The following RASGRF2 variants were observed in gnomAD, a reference collection of about 807,000 sequenced individuals.
The protein encoded by RASGRF2 is Ras protein specific guanine nucleotide releasing factor 2.
A neutral mutation model predicts 151.0 loss-of-function variants in RASGRF2; 76 were observed. That is an observed-to-expected ratio of 0.50 (90% CI 0.42 to 0.61). The LOEUF (loss-of-function observed/expected upper bound fraction) is 0.61, where lower values mean the gene tolerates loss of function less well. Ranked by LOEUF, RASGRF2 falls within the 20% of genes least tolerant of loss-of-function variation. The probability of loss-of-function intolerance (pLI) is 0.00; values close to 1 mark genes in which losing one functional copy is unlikely to be tolerated. For synonymous variants in RASGRF2, 504 were observed against 566.5 expected, an observed-to-expected ratio of 0.89 and a Z score of 1.57; for missense variants, 1,148 against 1,564.6, an observed-to-expected ratio of 0.73 and a Z score of 4.49.
chr5:81,114,582 C>T (rs1351115976), intron 15 of RASGRF2, among the ~76,000 whole-genome samples: 2 of 152,212 alleles, frequency 1.3e-5, no homozygotes, highest in Non-Finnish European at 1.5e-5. Flanking sequence ...GAATAAAGTA[C>T]ATTCTCCCTG....
chr5:81,091,973 T>C (rs537101837), intron 9 of RASGRF2, among the ~76,000 whole-genome samples: 1 of 152,330 alleles, frequency 6.6e-6, no homozygotes, highest in South Asian at 2.1e-4. Flanking sequence ...ATCAAGAGGT[T>C]GGCAAGAATC....
At chr5:81,087,771 A>G (rs1752282243) in intron 9 of RASGRF2, 1 of 188,170 alleles carries the variant, frequency 5.3e-6, no homozygotes, top group South Asian at 1.5e-4. Context: ...TTTGGTGAGG[A>G]GTGGAATATA....
Position 81,131,221 on chromosome 5 carries a change from G to A in RASGRF2, c.2686+4058G>A, listed in dbSNP as rs139890810. The stretch of plus-strand genomic sequence containing the variant: ...AAGGAGGTCAAGACAAGATGTTCCT[G>A]CCTGACCCCGGGGGCAAGGAAAACT... On this transcript the variant is annotated intron_variant, in intron 17 of 26. Transcript: ENST00000265080. 2.6e-3 allele frequency among the ~76,000 whole-genome samples: 394 copies of A among 152,266 alleles called. 3 individuals are homozygous for A. Among genetic ancestry groups the A allele is most frequent in the African/African-American group, 9.2e-3 (383 of 41,552 alleles).
At chr5:81,222,375 G>C (rs1226948887) in intron 26 of RASGRF2, among the ~76,000 whole-genome samples, 1 of 152,082 alleles carries the variant, frequency 6.6e-6, no homozygotes, top group Non-Finnish European at 1.5e-5. Context: ...CCTAGGTTTT[G>C]CCCTATTTCT....
chr5:81,111,989 C>T (rs1000798411), intron 13 of RASGRF2, among the ~76,000 whole-genome samples: 3 of 152,178 alleles, frequency 2.0e-5, no homozygotes, highest in African/African-American at 7.2e-5. Flanking sequence ...TGCTTTCCCC[C>T]ACTCCTAAAG....
intron 15 of RASGRF2, among the ~76,000 whole-genome samples, chr5:81,121,601 A>G (rs536495724): frequency 1.1e-4 from 16 of 152,326 alleles, no homozygotes; most frequent in African/African-American, 3.6e-4. Context: ...AAATAATTCA[A>G]TTTAATTTCC....
At chr5:81,194,734 G>A (rs759540450) in intron 18 of RASGRF2, among the ~76,000 whole-genome samples, 2 of 152,226 alleles carry the variant, frequency 1.3e-5, no homozygotes, top group African/African-American at 4.8e-5. Flanking sequence ...TCAGTAGGGC[G>A]TCCCCAAGGG....
At chr5:81,094,544 T>C (rs1425536122) in intron 11 of RASGRF2, among the ~76,000 whole-genome samples, 182 bp downstream of exon 11, 1 of 152,198 alleles carries the variant, frequency 6.6e-6, no homozygotes, top group Admixed American at 6.5e-5. Flanking sequence ...GACTATTCAG[T>C]GGCAGATAGA....
intron 5 of RASGRF2, among the ~76,000 whole-genome samples, chr5:81,077,091 G>A (rs867389725): frequency 6.6e-6 from 1 of 152,178 alleles, no homozygotes; most frequent in South Asian, 2.1e-4. Flanking sequence ...GCTGGTATGA[G>A]AGGTTTTTGC....
intron 17 of RASGRF2, among the ~76,000 whole-genome samples, chr5:81,143,756 G>T (rs1044480849): frequency 6.6e-6 from 1 of 151,950 alleles, no homozygotes; most frequent in Non-Finnish European, 1.5e-5. Flanking sequence ...CGGACGTGGT[G>T]GTGCACACCT....
At chr5:81,055,090 C>T (rs1192291483) in intron 2 of RASGRF2, among the ~76,000 whole-genome samples, 1 of 152,136 alleles carries the variant, frequency 6.6e-6, no homozygotes, top group African/African-American at 2.4e-5. Flanking sequence ...AATTTGACTT[C>T]CTCTTTTCCT....
intron 9 of RASGRF2, among the ~76,000 whole-genome samples, chr5:81,092,166 AG>A (rs1487460510): frequency 6.6e-6 from 1 of 152,218 alleles, no homozygotes; most frequent in Non-Finnish European, 1.5e-5. Context: ...TACTGGGTAT[AG>A]ATTTTATGTG....
chr5:81,167,659 G>A (rs756386114), intron 17 of RASGRF2, among the ~76,000 whole-genome samples: 20 of 152,160 alleles, frequency 1.3e-4, no homozygotes, highest in Non-Finnish European at 2.2e-4. Flanking sequence ...CAGGGATGCC[G>A]TCACTCTGAC....
At chr5:81,071,144 T>C (rs1751762210) in intron 4 of RASGRF2, among the ~76,000 whole-genome samples, 1 of 152,222 alleles carries the variant, frequency 6.6e-6, no homozygotes, top group Admixed American at 6.5e-5. Context: ...TTTTGATTTG[T>C]CATTTAGGTT....
At chr5:80,989,589 A>G (rs574122714) in intron 1 of RASGRF2, among the ~76,000 whole-genome samples, 4 of 152,324 alleles carry the variant, frequency 2.6e-5, no homozygotes, top group African/African-American at 9.6e-5. Flanking sequence ...CTTTGGCGCT[A>G]CTACTGTAGA....
At position 80,960,909 on chromosome 5, in the gene RASGRF2, G is replaced by T. The variant is rs560703743; in HGVS notation, c.171G>T (p.Glu57Asp). Residue 57 changes from glutamate to aspartate, a missense_variant, in exon 1 of 27, where the codon GAG becomes GAT. Around this residue, in one of 5 missense-constraint regions of RASGRF2, gnomAD observed 221 missense variants for 271.3 expected, o/e 0.81. Coordinates refer to ENST00000265080, the MANE Select transcript of RASGRF2 (RefSeq NM_006909.3). The surrounding 1 kb of genome is among the most constrained non-coding windows in gnomAD (Gnocchi z 5.5). ...YQNVLFYFEG[E>D]QSCRPAGMYL... ...ATGTGCTCTTCTACTTCGAGGGCGA[G>T]CAGAGCTGCCGCCCGGCGGGCATGT... is the stretch of plus-strand genomic sequence containing the variant. 54 of 1,606,204 alleles carry T rather than the reference G, an allele frequency of 3.4e-5. No homozygotes were observed. In the South Asian group the frequency reaches 5.0e-4, roughly 15 times the overall value.
In RASGRF2 at chr5:81,230,118, G is replaced by C. The variant is rs1039623001; in HGVS notation, c.*4348G>C. On this transcript the variant is annotated 3_prime_UTR_variant, in exon 27 of 27. Coordinates refer to ENST00000265080, the MANE Select transcript of RASGRF2 (RefSeq NM_006909.3). Reference sequence around the variant, plus strand: ...CTAACACTTGCCAAGTGAGGTGTAGGTTATGCCTATATGCAAATTAAACTT... The same window carrying C: ...CTAACACTTGCCAAGTGAGGTGTAGCTTATGCCTATATGCAAATTAAACTT... 6.6e-6 allele frequency: 1 copy of C among 152,208 alleles called. No homozygotes were observed. The highest frequency in any genetic ancestry group is 2.4e-5 in the African/African-American group (1 of 41,450). The allele number at this position is 152,208 out of a possible 1,614,324, so 9.4% of individuals were successfully genotyped here.
At chr5:81,181,901 A>T (rs1754925302) in intron 18 of RASGRF2, among the ~76,000 whole-genome samples, 2 of 152,102 alleles carry the variant, frequency 1.3e-5, no homozygotes, top group African/African-American at 4.8e-5. Context: ...TTCACATATA[A>T]TTTTTACAGT....
chr5:81,029,898 A>T (rs570303473), intron 1 of RASGRF2, among the ~76,000 whole-genome samples: 1 of 152,258 alleles, frequency 6.6e-6, no homozygotes, highest in Admixed American at 6.5e-5. Context: ...GAAGCTAAAA[A>T]CCTTGAAAAA....
Sources: allele counts gnomAD v4.1 joint callset (sites outside exome capture counted in the v4.1 genomes callset), GRCh38; gene constraint gnomAD v4.1.1; regional missense constraint gnomAD v4.1.1; non-coding constraint Gnocchi (gnomAD v3.1); transcripts MANE v1.5; gene names NCBI Gene and HGNC (gene_info 2026-07-23, HGNC 2026-07-21).